The following GRIP1 variants were observed in gnomAD, a reference collection of about 807,000 sequenced individuals.
GRIP1 encodes glutamate receptor-interacting protein 1.
Under a neutral mutation model 129.9 loss-of-function variants are expected in GRIP1, and 45 were observed. That is an observed-to-expected ratio of 0.35 (90% CI 0.27 to 0.44). The LOEUF is 0.44. GRIP1 is among the 20% of genes least tolerant of loss of function. GRIP1 has a pLI of 1.00. For missense variants in GRIP1, 1,196 were observed against 1,396.8 expected, an observed-to-expected ratio of 0.86 and a Z score of 2.29; for synonymous variants, 530 against 520.8, an observed-to-expected ratio of 1.02 and a Z score of -0.24.
At position 67,049,090 on chromosome 12, in the gene GRIP1, G is replaced by A. The variant is rs532897143; in HGVS notation, c.58+19960C>T. Among the ~76,000 whole-genome samples the A allele has an allele frequency of 7.9e-5, 12 of 152,184 alleles. No individual in the cohort carries two copies. In the South Asian group the frequency reaches 2.1e-3, roughly 26 times the overall value. ...TCCTCCCACCTCAGCCTTACACAGT[G>A]CTAGGATTACAGACACAAGCCATTG... On this transcript the variant is annotated intron_variant, in intron 1 of 1. Transcript: ENST00000643019.
At chr12:66,658,155 T>C (rs2033277876) in intron 1 of GRIP1, among the ~76,000 whole-genome samples, 1 of 152,086 alleles carries the variant, frequency 6.6e-6, no homozygotes, top group Admixed American at 6.5e-5. Context: ...ACTGATTTGT[T>C]AATGCAAAAA....
chr12:66,743,579 G>A (rs892010554), intron 1 of GRIP1, among the ~76,000 whole-genome samples: 1 of 129,066 alleles, frequency 7.7e-6, no homozygotes, highest in Non-Finnish European at 1.8e-5. Context: ...TGTCCATAAC[G>A]TAAATAGGCT....
rs994136055 is a variant in GRIP1 at position 66,411,548 on chromosome 12, A to G, written c.1839-5120T>C. Among the ~76,000 whole-genome samples, 6 of 152,094 alleles carry G rather than the reference A, an allele frequency of 3.9e-5. No individual in the cohort carries two copies. In the East Asian group the frequency reaches 7.7e-4, roughly 20 times the overall value. ...AAGAATCAACTTAAAACTGCTGAAA[A>G]CTCAAAAAGCCAGAGTGCTTCTTCT... On this transcript the variant is annotated intron_variant, in intron 15 of 24. Transcript: ENST00000359742.
At chr12:66,842,857 T>C (rs2039745532) in intron 1 of GRIP1, among the ~76,000 whole-genome samples, 1 of 152,126 alleles carries the variant, frequency 6.6e-6, no homozygotes, top group Admixed American at 6.6e-5. Flanking sequence ...CTCTGGAAAC[T>C]GAAACAATAA....
At chr12:66,846,773 C>T (rs545618380) in intron 1 of GRIP1, among the ~76,000 whole-genome samples, 7 of 152,256 alleles carry the variant, frequency 4.6e-5, no homozygotes, top group African/African-American at 1.7e-4. Context: ...GAAAGGAGTA[C>T]ATGTCACACC....
intron 1 of GRIP1, among the ~76,000 whole-genome samples, chr12:66,826,182 C>G (rs1322122332): frequency 6.6e-6 from 1 of 152,142 alleles, no homozygotes; most frequent in Non-Finnish European, 1.5e-5. Flanking sequence ...AACCATCATT[C>G]TCAGCAAACT....
At chr12:66,895,708 C>T (rs534479041) in intron 1 of GRIP1, among the ~76,000 whole-genome samples, 1 of 152,312 alleles carries the variant, frequency 6.6e-6, no homozygotes, top group South Asian at 2.1e-4. Context: ...CGCAGACCCA[C>T]CACTACCTCC....
intron 1 of GRIP1, among the ~76,000 whole-genome samples, chr12:66,879,270 A>C: frequency 7.0e-6 from 1 of 142,254 alleles, no homozygotes; most frequent in South Asian, 2.3e-4. Context: ...GCTTGCAAAA[A>C]GGAAAAAAAA....
chr12:66,638,176 G>C (rs1395500635), intron 1 of GRIP1, among the ~76,000 whole-genome samples: 1 of 152,164 alleles, frequency 6.6e-6, no homozygotes, highest in Non-Finnish European at 1.5e-5. Flanking sequence ...GAGAGCGATG[G>C]CAAGTTGTTA....
chr12:66,690,731 AAT>A (rs2034954906), intron 1 of GRIP1, among the ~76,000 whole-genome samples: 1 of 147,818 alleles, frequency 6.8e-6, no homozygotes, highest in Non-Finnish European at 1.5e-5. Flanking sequence ...TTTTTCAAAA[AAT>A]TTTTTTTAAT....
intron 1 of GRIP1, among the ~76,000 whole-genome samples, chr12:66,692,956 A>G (rs2035031087): frequency 6.6e-6 from 1 of 152,180 alleles, no homozygotes; most frequent in East Asian, 1.9e-4. Flanking sequence ...CATATAACAA[A>G]TGCTGGAAAC....
At chr12:66,584,336 A>G (rs1335975831) in intron 2 of GRIP1, among the ~76,000 whole-genome samples, 3 of 152,038 alleles carry the variant, frequency 2.0e-5, no homozygotes, top group Non-Finnish European at 4.4e-5. Context: ...GCAGCGCACC[A>G]GCATGGCACA....
At chr12:66,433,488 A>T (rs575047026) in intron 13 of GRIP1, among the ~76,000 whole-genome samples, 1 of 152,330 alleles carries the variant, frequency 6.6e-6, no homozygotes, top group African/African-American at 2.4e-5. Context: ...TATAGAAGTA[A>T]GCTAATATCA....
chr12:66,956,529 G>A (rs1327948629), intron 1 of GRIP1, among the ~76,000 whole-genome samples: 3 of 152,116 alleles, frequency 2.0e-5, no homozygotes, highest in South Asian at 4.1e-4. Context: ...ACACTTAAGG[G>A]ACAGAGAATT....
At chr12:66,483,785 T>C (rs1318016542) in intron 7 of GRIP1, among the ~76,000 whole-genome samples, 3 of 152,134 alleles carry the variant, frequency 2.0e-5, no homozygotes, top group Non-Finnish European at 4.4e-5. Context: ...GACCCAGAAA[T>C]AGAACATTAC....
intron 2 of GRIP1, among the ~76,000 whole-genome samples, chr12:66,574,814 G>A (rs979530750): frequency 8.6e-4 from 77 of 89,148 alleles, no homozygotes; most frequent in African/African-American, 2.4e-3. Flanking sequence ...ACGGAGTCTC[G>A]CTCTGTCGCC....
chr12:66,364,621 A>G (rs1046172206), intron 23 of GRIP1, among the ~76,000 whole-genome samples: 1 of 152,210 alleles, frequency 6.6e-6, no homozygotes, highest in Non-Finnish European at 1.5e-5. Flanking sequence ...AGAAAAATGC[A>G]TATCTGACTC....
At chr12:66,978,431 T>G (rs1343258288) in intron 1 of GRIP1, among the ~76,000 whole-genome samples, 1 of 152,222 alleles carries the variant, frequency 6.6e-6, no homozygotes. Context: ...CATGTAACTT[T>G]GATTTACCTA....
intron 1 of GRIP1, among the ~76,000 whole-genome samples, chr12:66,904,573 T>C (rs1180833416): frequency 1.3e-5 from 2 of 152,162 alleles, no homozygotes; most frequent in Non-Finnish European, 2.9e-5. Flanking sequence ...TGAAACCCCA[T>C]TCCTTTAAAT....
Sources: allele counts gnomAD v4.1 joint callset (sites outside exome capture counted in the v4.1 genomes callset), GRCh38; gene constraint gnomAD v4.1.1; transcripts MANE v1.5; gene names NCBI Gene and HGNC (gene_info 2026-07-23, HGNC 2026-07-21).